LHFPL3: variants seen among roughly 807,000 people sequenced by gnomAD.
LHFPL3 encodes the protein LHFPL tetraspan subfamily member 3.
LHFPL3 carries 5 observed loss-of-function variants against 19.3 expected under a neutral mutation model. The ratio of observed to expected loss-of-function variants is 0.26; its 90% CI spans 0.14 to 0.54. LHFPL3 has a LOEUF of 0.54. Among genes scored for constraint, LHFPL3 ranks in the 20% least tolerant of loss-of-function variants. LHFPL3 has a pLI of 0.94. For synonymous variants in LHFPL3, 133 were observed against 126.2 expected (o/e 1.05, Z -0.36); for missense variants, 249 against 307.4 (o/e 0.81, Z 1.42).
chr7:104,871,813 C>T (rs1253492432), intron 2 of LHFPL3, among the ~76,000 whole-genome samples: 1 of 151,960 alleles, frequency 6.6e-6, no homozygotes, highest in African/African-American at 2.4e-5. Flanking sequence ...CATATGCCAC[C>T]ATGCCCAGCT....
intron 2 of LHFPL3, among the ~76,000 whole-genome samples, chr7:104,852,703 C>T (rs1332071756): frequency 6.6e-6 from 1 of 152,240 alleles, no homozygotes; most frequent in Non-Finnish European, 1.5e-5. Flanking sequence ...TAAAGCTCTG[C>T]AGCCCCAGTC....
intron 2 of LHFPL3, among the ~76,000 whole-genome samples, chr7:104,877,468 C>T (rs1215044328): frequency 6.6e-6 from 1 of 152,036 alleles, no homozygotes; most frequent in Admixed American, 6.6e-5. Context: ...ATAGACATTT[C>T]CCCAAATGAT....
At chr7:104,673,728 G>T (rs548687547) in intron 1 of LHFPL3, among the ~76,000 whole-genome samples, 1 of 152,306 alleles carries the variant, frequency 6.6e-6, no homozygotes, top group East Asian at 1.9e-4. Context: ...TTGCCCATGG[G>T]ATCTGATGGG....
At chr7:104,803,620 C>G (rs971557292) in intron 2 of LHFPL3, 1 of 152,206 alleles carries the variant, frequency 6.6e-6, no homozygotes, top group African/African-American at 2.4e-5. Flanking sequence ...AAACCACTCC[C>G]ACACCAGGGC....
intron 1 of LHFPL3, among the ~76,000 whole-genome samples, chr7:104,571,497 C>A (rs577366654): frequency 5.3e-4 from 80 of 152,274 alleles, no homozygotes; most frequent in African/African-American, 1.8e-3. Context: ...ACCATGCAGC[C>A]ATCTCATCCT....
At chr7:104,665,975 C>G (rs1431277684) in intron 1 of LHFPL3, among the ~76,000 whole-genome samples, 1 of 152,142 alleles carries the variant, frequency 6.6e-6, no homozygotes, top group Non-Finnish European at 1.5e-5. Context: ...GCAGGTATAC[C>G]CTGCTTTACC....
chr7:104,677,824 C>T (rs1315152679), intron 1 of LHFPL3, among the ~76,000 whole-genome samples: 2 of 152,216 alleles, frequency 1.3e-5, no homozygotes, highest in Non-Finnish European at 2.9e-5. Context: ...CACGTGTCCC[C>T]ATGACTGTTC....
intron 1 of LHFPL3, 40 bp downstream of exon 1, chr7:104,329,264 G>A (rs113799038): frequency 6.4e-7 from 1 of 1,552,464 alleles, no homozygotes; most frequent in Admixed American, 1.9e-5. Flanking sequence ...GAGGACCCCG[G>A]GGCGCCCGAG....
chr7:104,552,832 G>A (rs1213887781), intron 1 of LHFPL3, among the ~76,000 whole-genome samples: 2 of 152,080 alleles, frequency 1.3e-5, no homozygotes, highest in African/African-American at 2.4e-5. Flanking sequence ...TTTTAAATCA[G>A]GATTTCTTAA....
Position 104,328,688 on chromosome 7 carries a change from G to C in LHFPL3, c.-92G>C, listed in dbSNP as rs1801508927. ...GAGGCGGAGGCAGGGGAGTTGCAGC[G>C]CGCGAGGCTCCGTGAGTGTGTCTCC... On this transcript the variant is annotated 5_prime_UTR_variant, in exon 1 of 3. Coordinates refer to ENST00000424859, the MANE Select transcript of LHFPL3 (RefSeq NM_199000.3). This position sits in a 1 kb window ranked among gnomAD's most constrained non-coding sequence, Gnocchi z 4.6. 2 of 1,141,836 alleles carry C rather than the reference G, an allele frequency of 1.8e-6. No homozygotes were observed. Among genetic ancestry groups the C allele is most frequent in the Admixed American group, 2.1e-5 (1 of 48,064 alleles). 70.7% of individuals were successfully genotyped at this position (1,141,836 alleles called of 1,614,324 possible). A position where few individuals can be genotyped will look rare whatever the true frequency, so the allele number is the denominator to read the frequency against.
chr7:104,514,886 A>G (rs909378896), intron 1 of LHFPL3, among the ~76,000 whole-genome samples: 1 of 152,198 alleles, frequency 6.6e-6, no homozygotes, highest in African/African-American at 2.4e-5. Context: ...ATATTGTAGG[A>G]TCTTATGAAG....
At chr7:104,824,908 TAATAA>T (rs1490328408) in intron 2 of LHFPL3, among the ~76,000 whole-genome samples, 3 of 138,736 alleles carry the variant, frequency 2.2e-5, no homozygotes, top group Admixed American at 8.2e-5. Context: ...GTATATAATA[TAATAA>T]TTTTATAATA....
intron 2 of LHFPL3, among the ~76,000 whole-genome samples, chr7:104,844,358 G>A (rs1331390653): frequency 2.0e-5 from 3 of 152,362 alleles, no homozygotes; most frequent in African/African-American, 7.2e-5. Flanking sequence ...AGCGTCCAGC[G>A]TGAACCAGGC....
chr7:104,383,533 T>C (rs1790873071), intron 1 of LHFPL3, among the ~76,000 whole-genome samples: 1 of 152,210 alleles, frequency 6.6e-6, no homozygotes, highest in African/African-American at 2.4e-5. Flanking sequence ...CATTTACAGA[T>C]TGAATACACA....
intron 1 of LHFPL3, among the ~76,000 whole-genome samples, chr7:104,584,627 A>C (rs1263589162): frequency 6.6e-6 from 1 of 152,170 alleles, no homozygotes; most frequent in Non-Finnish European, 1.5e-5. Flanking sequence ...TTATATATCA[A>C]ACTAGAAGAC....
At position 104,712,384 on chromosome 7, in the gene LHFPL3, T is replaced by C. The variant is rs1793313964; in HGVS notation, c.446-24291T>C. On this transcript the variant is annotated intron_variant, in intron 1 of 2. Coordinates refer to ENST00000424859, the MANE Select transcript of LHFPL3 (RefSeq NM_199000.3). ...CAACAGCTGTCTTTTTGTTGTATCC[T>C]CACATGGCAGAAAACAGATACTAGC... Among the ~76,000 whole-genome samples, 3 of 152,310 alleles carry C rather than the reference T, an allele frequency of 2.0e-5. No homozygotes were observed. The Middle Eastern group carries it at 0.01, about 518-fold the overall frequency.
At chr7:104,538,555 G>A (rs771536321) in intron 1 of LHFPL3, among the ~76,000 whole-genome samples, 1 of 152,216 alleles carries the variant, frequency 6.6e-6, no homozygotes, top group East Asian at 1.9e-4. Flanking sequence ...ACTACACAGG[G>A]CAGATGTTTG....
intron 2 of LHFPL3, chr7:104,785,367 T>C (rs1789892530): frequency 6.6e-6 from 1 of 152,152 alleles, no homozygotes; most frequent in Non-Finnish European, 1.5e-5. Context: ...GTCTCCAGAA[T>C]AGAGCCTAGA....
In LHFPL3 at chr7:104,736,875, A is replaced by C; in HGVS notation, c.646A>C (p.Ser216Arg). The C allele has an allele frequency of 6.2e-7, 1 of 1,610,526 alleles. No individual in the cohort carries two copies. Among genetic ancestry groups the C allele is most frequent in the Non-Finnish European group, 8.5e-7 (1 of 1,178,336 alleles). The change falls in exon 2 of 3, where the codon AGC becomes CGC. Residue 216 changes from serine to arginine, a missense_variant. Coordinates refer to ENST00000424859, the MANE Select transcript of LHFPL3 (RefSeq NM_199000.3). ...ATTTGTGCTTGGTAATCGACAAGAC[A>C]GCTTGATGGCAGAGGAACTGAAGGC... ...LAFVLGNRQD[S>R]LMAEELKAEN...
Sources: gnomAD v4.1 joint callset for allele counts (sites outside exome capture counted in the v4.1 genomes callset) on GRCh38, gnomAD v4.1.1 for gene constraint, Gnocchi (gnomAD v3.1) non-coding constraint, MANE v1.5 for transcripts, NCBI Gene and HGNC (gene_info 2026-07-23, HGNC 2026-07-21) for gene names.